STARD13: variants seen among roughly 807,000 people sequenced by gnomAD.
The protein encoded by STARD13 is stAR-related lipid transfer protein 13.
Under a neutral mutation model 106.4 loss-of-function variants are expected in STARD13, and 62 were observed. That is an observed-to-expected ratio of 0.58 (90% CI 0.48 to 0.72). STARD13 has a LOEUF of 0.72. Among genes scored for constraint, STARD13 ranks in the 30% least tolerant of loss-of-function variants. The pLI is 0.00. For missense variants in STARD13, 1,387 were observed against 1,424.0 expected (o/e 0.97, Z 0.42); for synonymous variants, 565 against 553.0 (o/e 1.02, Z -0.31).
the STARD13 span, among the ~76,000 whole-genome samples, chr13:33,368,446 C>T: frequency 2.0e-5 from 3 of 152,280 alleles, no homozygotes; most frequent in South Asian, 6.2e-4. Flanking sequence ...TCACTATGGG[C>T]TTTCAAAAAT....
chr13:33,474,179 C>A, the STARD13 span, among the ~76,000 whole-genome samples: 1 of 152,114 alleles, frequency 6.6e-6, no homozygotes, highest in Non-Finnish European at 1.5e-5. Flanking sequence ...TTCCACGTAT[C>A]CAGGCTTTTA....
chr13:33,339,029 T>C (rs775182563), intron 1 of STARD13, among the ~76,000 whole-genome samples: 1 of 152,168 alleles, frequency 6.6e-6, no homozygotes, highest in Non-Finnish European at 1.5e-5. Flanking sequence ...TCCCTACTTA[T>C]ATGTATGTTG....
At chr13:33,649,759 G>A in the STARD13 span, among the ~76,000 whole-genome samples, 2 of 152,030 alleles carry the variant, frequency 1.3e-5, no homozygotes, top group Admixed American at 6.6e-5. Flanking sequence ...GGGTAAAAGA[G>A]GTAACAAAAT....
intron 3 of STARD13, among the ~76,000 whole-genome samples, chr13:33,147,695 A>T (rs924289306): frequency 6.6e-6 from 1 of 151,972 alleles, no homozygotes; most frequent in East Asian, 1.9e-4. Context: ...AACAAACAAA[A>T]AACCAAAACA....
chr13:33,478,497 A>G, the STARD13 span, among the ~76,000 whole-genome samples: 29 of 152,358 alleles, frequency 1.9e-4, no homozygotes, highest in African/African-American at 7.0e-4. Flanking sequence ...CAGAAAGGAT[A>G]TAAATTCTGG....
chr13:33,554,417 C>T, the STARD13 span, among the ~76,000 whole-genome samples: 9 of 152,138 alleles, frequency 5.9e-5, no homozygotes. Context: ...TGACCCTGTG[C>T]AAGTTACCTA....
At chr13:33,565,390 T>G in the STARD13 span, among the ~76,000 whole-genome samples, 8 of 147,792 alleles carry the variant, frequency 5.4e-5, 1 homozygote, top group Non-Finnish European at 1.2e-4. Flanking sequence ...TGATAAATAA[T>G]TACCCAAATT....
At chr13:33,592,803 A>G in the STARD13 span, among the ~76,000 whole-genome samples, 15 of 152,206 alleles carry the variant, frequency 9.9e-5, no homozygotes, top group Non-Finnish European at 2.2e-4. Context: ...AAAGTTTTCA[A>G]TGTAATTTAG....
intron 1 of STARD13, among the ~76,000 whole-genome samples, chr13:33,258,926 G>A (rs1890502075): frequency 6.6e-6 from 1 of 152,216 alleles, no homozygotes; most frequent in African/African-American, 2.4e-5. Flanking sequence ...GTGCCATACT[G>A]TTGGAAAACA....
the STARD13 span, among the ~76,000 whole-genome samples, chr13:33,598,943 G>A: frequency 2.3e-3 from 349 of 152,258 alleles, 2 homozygotes; most frequent in Middle Eastern, 0.034. Flanking sequence ...TGTGTATCAA[G>A]AGCTTTCATT....
At chr13:33,539,259 G>A in the STARD13 span, among the ~76,000 whole-genome samples, 1 of 152,070 alleles carries the variant, frequency 6.6e-6, no homozygotes, top group African/African-American at 2.4e-5. Context: ...AGAAATTAAA[G>A]ATCAAAATAA....
chr13:33,460,200 A>G, the STARD13 span, among the ~76,000 whole-genome samples: 5 of 152,090 alleles, frequency 3.3e-5, no homozygotes, highest in Non-Finnish European at 7.4e-5. Context: ...GTAAAAAGAA[A>G]GATTGGGCCG....
At chr13:33,343,804 T>A (rs924420306), downstream of STARD13, among the ~76,000 whole-genome samples, 5 of 151,880 alleles carry the variant, frequency 3.3e-5, no homozygotes, top group Non-Finnish European at 5.9e-5. Flanking sequence ...AAGCCCTTTG[T>A]TCTTATCTCC....
intron 3 of STARD13, among the ~76,000 whole-genome samples, chr13:33,150,198 G>A (rs961745514): frequency 3.9e-5 from 6 of 152,288 alleles, no homozygotes; most frequent in Middle Eastern, 3.4e-3. Flanking sequence ...ATCAGTGATT[G>A]ACTTTAAGTA....
At chr13:33,111,620 C>T (rs1310390691) in intron 10 of STARD13, among the ~76,000 whole-genome samples, 158 bp downstream of exon 10, 2 of 152,212 alleles carry the variant, frequency 1.3e-5, no homozygotes, top group Admixed American at 6.5e-5. Context: ...TAGCTAGCTC[C>T]TCAGCTTTCT....
chr13:33,176,576 T>C (rs1884542528), intron 1 of STARD13, among the ~76,000 whole-genome samples: 1 of 152,204 alleles, frequency 6.6e-6, no homozygotes, highest in South Asian at 2.1e-4. Context: ...AGTTTGTTAA[T>C]AGATATTGAC....
intron 4 of STARD13, among the ~76,000 whole-genome samples, chr13:33,131,690 A>AT (rs1278170371): frequency 6.6e-6 from 1 of 152,198 alleles, no homozygotes; most frequent in Non-Finnish European, 1.5e-5. Flanking sequence ...ATAATTGCTT[A>AT]TTTTTTGTGA....
At chr13:33,157,406 G>A (rs575958128) in intron 3 of STARD13, among the ~76,000 whole-genome samples, 1 of 152,284 alleles carries the variant, frequency 6.6e-6, no homozygotes, top group African/African-American at 2.4e-5. Flanking sequence ...GGTTGCTCAC[G>A]CCTGTAATCC....
At chr13:33,528,185 A>G in the STARD13 span, among the ~76,000 whole-genome samples, 12 of 141,046 alleles carry the variant, frequency 8.5e-5, no homozygotes, top group Non-Finnish European at 1.4e-4. Flanking sequence ...ATATATATAT[A>G]TATACACACA....
Sources: gnomAD v4.1 joint callset for allele counts (sites outside exome capture counted in the v4.1 genomes callset) on GRCh38, gnomAD v4.1.1 for gene constraint, MANE v1.5 for transcripts, NCBI Gene and HGNC (gene_info 2026-07-23, HGNC 2026-07-21) for gene names.